UBE4B: variants seen among roughly 807,000 people sequenced by gnomAD.
UBE4B encodes the protein ubiquitin conjugation factor E4 B.
In UBE4B, 27 loss-of-function variants were observed where a neutral mutation model predicts 148.1. The observed-to-expected ratio is 0.18, with a 90% CI of 0.13 to 0.25. UBE4B has a LOEUF of 0.25. UBE4B is among the 10% of genes least tolerant of loss of function. UBE4B has a pLI of 1.00. For missense variants in UBE4B, 1,170 were observed against 1,662.4 expected, an observed-to-expected ratio of 0.70 and a Z score of 5.15; for synonymous variants, 596 against 619.3, an observed-to-expected ratio of 0.96 and a Z score of 0.56.
At chr1:10,099,438 AG>A (rs1243653304) in intron 3 of UBE4B, among the ~76,000 whole-genome samples, 1 of 152,214 alleles carries the variant, frequency 6.6e-6, no homozygotes. Context: ...ATTTAGCAAA[AG>A]AAGTATAAAA....
At chr1:10,080,884 A>T (rs1169870281) in intron 2 of UBE4B, among the ~76,000 whole-genome samples, 1 of 152,172 alleles carries the variant, frequency 6.6e-6, no homozygotes, top group African/African-American at 2.4e-5. Context: ...TAGACAGTAG[A>T]TGGTGGTTAC....
chr1:10,097,352 G>GA (rs1234926107), intron 3 of UBE4B, among the ~76,000 whole-genome samples: 1 of 150,908 alleles, frequency 6.6e-6, no homozygotes, highest in African/African-American at 2.4e-5. Context: ...CTTTAAAAAA[G>GA]AAAAAAAAGA....
chr1:10,107,397 C>A (rs988767217), intron 7 of UBE4B: 3 of 1,279,272 alleles, frequency 2.3e-6, no homozygotes, highest in Admixed American at 2.4e-5. Context: ...TGGAGTCTTA[C>A]CCCTGCATGT....
intron 23 of UBE4B, among the ~76,000 whole-genome samples, chr1:10,162,020 C>T (rs1363832752): frequency 2.9e-5 from 4 of 138,628 alleles, no homozygotes; most frequent in Admixed American, 1.4e-4. Flanking sequence ...TTTTTTGAGA[C>T]GGAGTTTCAC....
intron 2 of UBE4B, among the ~76,000 whole-genome samples, chr1:10,077,320 G>C (rs147423649): frequency 6.6e-6 from 1 of 152,086 alleles, no homozygotes; most frequent in Admixed American, 6.6e-5. Flanking sequence ...GGCCATCTTC[G>C]TTCTGTGTGT....
In UBE4B at chr1:10,106,512, G is replaced by C; in HGVS notation, c.1125G>C (p.Thr375=). ...ASSSRQRPSS[T]GPPLPPASPS... is the part of the protein sequence containing the mutation. ...GTTCCAGACAGAGGCCCAGCAGCAC[G>C]GGTCCACCCCTACCACCCGCCTCAC... Residue 375 remains threonine, a synonymous_variant, in exon 7 of 28, where the codon ACG becomes ACC. Coordinates refer to ENST00000343090, the MANE Select transcript of UBE4B (RefSeq NM_001105562.3). This position sits in a 1 kb window ranked among gnomAD's most constrained non-coding sequence, Gnocchi z 4.2. 1 of 1,611,518 alleles carries C rather than the reference G, an allele frequency of 6.2e-7. No individual in the cohort carries two copies. The highest frequency in any genetic ancestry group is 1.1e-5 in the South Asian group (1 of 90,972).
intron 1 of UBE4B, among the ~76,000 whole-genome samples, chr1:10,044,634 G>A (rs1343616965): frequency 2.0e-5 from 3 of 151,748 alleles, no homozygotes; most frequent in Non-Finnish European, 4.4e-5. Flanking sequence ...CCAGGCTAGA[G>A]TACAGTGGCA....
chr1:10,123,427 CAAA>C (rs34527607), intron 10 of UBE4B, among the ~76,000 whole-genome samples: 2 of 35,674 alleles, frequency 5.6e-5, no homozygotes, highest in Non-Finnish European at 6.3e-5. Flanking sequence ...AAGACTGTCT[CAAA>C]AAAAAAAAAA....
intron 25 of UBE4B, among the ~76,000 whole-genome samples, chr1:10,171,927 A>G (rs9782879): frequency 0.1 from 15,693 of 152,040 alleles, 1,697 homozygotes; most frequent in African/African-American, 0.28. Flanking sequence ...AAAAGTAAAG[A>G]GCAGGTTTGG....
rs1359827824 is a variant in UBE4B at position 10,057,420 on chromosome 1, C to CT, written c.25-14590dup. Among the ~76,000 whole-genome samples, 1,228 of 132,892 alleles carry CT rather than the reference C, an allele frequency of 9.2e-3. 11 individuals are homozygous for CT. The highest frequency in any genetic ancestry group is 0.013 in the Non-Finnish European group (773 of 61,280). The allele number at this position is 132,892 out of a possible 152,430, so 87.2% of individuals were successfully genotyped here. The stretch of plus-strand genomic sequence containing the variant: ...GAAAATACCATTTACAGTCTTTTCT[C>CT]TTTTTTTTTTTTTTTTTTGAGACAG... On this transcript the variant is annotated intron_variant, in intron 1 of 27. Coordinates refer to ENST00000343090, the MANE Select transcript of UBE4B (RefSeq NM_001105562.3).
intron 23 of UBE4B, among the ~76,000 whole-genome samples, chr1:10,167,286 A>G (rs1182734002): frequency 6.6e-6 from 1 of 151,620 alleles, no homozygotes; most frequent in East Asian, 1.9e-4. Context: ...CTAAAAATAC[A>G]GAATTAGCCG....
intron 11 of UBE4B, among the ~76,000 whole-genome samples, chr1:10,127,766 G>A (rs1046131590): frequency 5.3e-5 from 8 of 152,148 alleles, no homozygotes; most frequent in African/African-American, 1.4e-4. Flanking sequence ...ACAGAAGCTA[G>A]GAAGACAAGG....
At chr1:10,091,518 C>T (rs1013646928) in intron 2 of UBE4B, among the ~76,000 whole-genome samples, 2 of 152,048 alleles carry the variant, frequency 1.3e-5, no homozygotes, top group African/African-American at 4.8e-5. Context: ...GATTATAGCC[C>T]ACTGCAGCTT....
intron 1 of UBE4B, among the ~76,000 whole-genome samples, chr1:10,063,022 C>T (rs1027699529): frequency 2.7e-5 from 4 of 150,674 alleles, no homozygotes; most frequent in Admixed American, 2.0e-4. Flanking sequence ...GCTGGGCATA[C>T]TTTGGGAGGC....
At chr1:10,167,881 G>T (rs1000772555) in intron 23 of UBE4B, among the ~76,000 whole-genome samples, 68 of 152,144 alleles carry the variant, frequency 4.5e-4, no homozygotes, top group African/African-American at 1.5e-3. Flanking sequence ...GAGCCACCAC[G>T]CCCGGCAGAT....
intron 18 of UBE4B, 174 bp downstream of exon 18, chr1:10,145,213 A>G (rs1221561535): frequency 4.1e-6 from 2 of 483,308 alleles, no homozygotes; most frequent in Non-Finnish European, 7.4e-6. Context: ...ATATGTGTAT[A>G]TAATGATTTC....
intron 11 of UBE4B, 86 bp from the exon 12 acceptor site, chr1:10,129,306 G>C: frequency 7.8e-7 from 1 of 1,283,760 alleles, no homozygotes; most frequent in Non-Finnish European, 1.1e-6. Context: ...CGAATTTATA[G>C]CAGCAGTTAA....
intron 16 of UBE4B, among the ~76,000 whole-genome samples, chr1:10,135,508 G>A (rs1444973302): frequency 6.6e-6 from 1 of 152,042 alleles, no homozygotes; most frequent in Admixed American, 6.6e-5. Flanking sequence ...GGAGGCTGAG[G>A]TGGGCAGATC....
At chr1:10,116,023 T>C (rs1410786730) in intron 7 of UBE4B, among the ~76,000 whole-genome samples, 2 of 152,242 alleles carry the variant, frequency 1.3e-5, no homozygotes, top group Non-Finnish European at 1.5e-5. Context: ...AAATTAGTTA[T>C]GCATATCTAT....
Sources: allele counts gnomAD v4.1 joint callset (sites outside exome capture counted in the v4.1 genomes callset), GRCh38; gene constraint gnomAD v4.1.1; non-coding constraint Gnocchi (gnomAD v3.1); transcripts MANE v1.5; gene names NCBI Gene and HGNC (gene_info 2026-07-23, HGNC 2026-07-21).